LRPAP1: variants seen among roughly 807,000 people sequenced by gnomAD.
LRPAP1 encodes the protein LDL receptor related protein associated protein 1, also known as alpha-2-macroglobulin receptor-associated protein.
Under a neutral mutation model 39.9 loss-of-function variants are expected in LRPAP1, and 41 were observed. That is an observed-to-expected ratio of 1.03 (90% confidence interval 0.80 to 1.33). The LOEUF (loss-of-function observed/expected upper bound fraction) is 1.33. Ranked by LOEUF, LRPAP1 falls within the 40% of genes most tolerant of loss-of-function variation. The probability of loss-of-function intolerance (pLI) is 0.00; values close to 1 mark genes in which losing one functional copy is unlikely to be tolerated. For missense variants in LRPAP1, 565 were observed against 482.3 expected (o/e 1.17, Z -1.61); for synonymous variants, 263 against 212.7 (o/e 1.24, Z -2.06).
chr4:3,532,307 A>T lies in LRPAP1; in HGVS notation c.106T>A (p.Ser36Thr). 6.3e-7 allele frequency: 1 copy of T among 1,577,536 alleles called. No individual in the cohort carries two copies. Among genetic ancestry groups the T allele is most frequent in the Non-Finnish European group, 8.6e-7 (1 of 1,161,214 alleles). The change falls in exon 1 of 8, where the codon TCG becomes ACG. Residue 36 changes from serine to threonine, a missense_variant. Physicochemically the swap from Ser to Thr is moderately conservative, Grantham distance 58. Transcript: ENST00000650182. ...WPAASHGGKYSREKNQPKPSP... is the reference protein window; with the variant it reads ...WPAASHGGKYTREKNQPKPSP... ...GGCTTGGGCTGGTTCTTCTCCCGCG[A>T]GTACTTGCCGCCGTGGCTCGCAGCG...
At chr4:3,518,312 T>C (rs1729791054) in intron 4 of LRPAP1, 120 bp from the exon 5 acceptor site, 4 of 1,123,322 alleles carry the variant, frequency 3.6e-6, no homozygotes, top group Non-Finnish European at 3.7e-6. Flanking sequence ...GGGCTGAAAA[T>C]GTCCCCCTTC....
intron 6 of LRPAP1, chr4:3,515,806 C>T (rs958661059): frequency 1.4e-5 from 6 of 429,906 alleles, no homozygotes; most frequent in Non-Finnish European, 2.6e-5. Flanking sequence ...GTCCCCTCCC[C>T]CCAGGCTGTG....
At chr4:3,520,343 A>T in intron 2 of LRPAP1, 150 bp from the exon 3 acceptor site, 1 of 746,764 alleles carries the variant, frequency 1.3e-6, no homozygotes, top group Non-Finnish European at 2.2e-6. Context: ...ACCACTGGAG[A>T]TCTGGGGAGA....
Position 3,511,108 on chromosome 4 carries a change from C to T in LRPAP1, c.*1866G>A, listed in dbSNP as rs1687420156. ...ATTAAAAATACCGAGCACCAAGTCTCAGCAATCCACTAGTGTTCTCCTTCC... is the reference window on the plus strand; with the variant it reads ...ATTAAAAATACCGAGCACCAAGTCTTAGCAATCCACTAGTGTTCTCCTTCC... On this transcript the variant is annotated 3_prime_UTR_variant, in exon 8 of 8. Transcript: ENST00000650182. The T allele has an allele frequency of 6.6e-6, 1 of 152,262 alleles. No individual in the cohort carries two copies. The highest frequency in any genetic ancestry group is 6.5e-5 in the Admixed American group (1 of 15,288). The allele number at this position is 152,262 out of a possible 1,614,324, so 9.4% of individuals were successfully genotyped here. A position where few individuals can be genotyped will look rare whatever the true frequency, so the allele number is the denominator to read the frequency against.
At chr4:3,520,244 C>A in intron 2 of LRPAP1, 51 bp from the exon 3 acceptor site, 1 of 1,587,020 alleles carries the variant, frequency 6.3e-7, no homozygotes, top group South Asian at 1.1e-5. Flanking sequence ...GAAAAACAGT[C>A]AAAAGCCAAC....
chr4:3,529,524 G>A (rs905320180), intron 1 of LRPAP1, among the ~76,000 whole-genome samples: 2 of 152,110 alleles, frequency 1.3e-5, no homozygotes, highest in Admixed American at 6.5e-5. Context: ...CTCAGAAGTC[G>A]TCTGTGAGCA....
In LRPAP1 at chr4:3,520,158, CCTT is replaced by C. The variant is rs1560257099; in HGVS notation, c.382_384del (p.Lys128del). ...GAGTTGCTGGTCACCTGCCGAGCGT[CCTT>C]CTTTCCGTCCAGACCATACTTGGCC... On this transcript the variant is annotated inframe_deletion, in exon 3 of 8. Coordinates refer to ENST00000650182, the MANE Select transcript of LRPAP1 (RefSeq NM_002337.4). 1 of 1,614,200 alleles carries C rather than the reference CCTT, an allele frequency of 6.2e-7. No individual in the cohort carries two copies. Among genetic ancestry groups the C allele is most frequent in the East Asian group, 2.2e-5 (1 of 44,888 alleles).
At chr4:3,518,351 C>G (rs1399292068) in intron 4 of LRPAP1, among the ~76,000 whole-genome samples, 159 bp from the exon 5 acceptor site, 1 of 149,792 alleles carries the variant, frequency 6.7e-6, no homozygotes, top group African/African-American at 2.5e-5. Flanking sequence ...CAGAAACGAC[C>G]GTTGGCACAG....
At position 3,511,458 on chromosome 4, in the gene LRPAP1, G is replaced by C. The variant is rs1729509038; in HGVS notation, c.*1516C>G. On this transcript the variant is annotated 3_prime_UTR_variant, in exon 8 of 8. Coordinates refer to ENST00000650182, the MANE Select transcript of LRPAP1 (RefSeq NM_002337.4). ...ACACTGAGTACCTTAAGGCTCTCAG[G>C]ATAATGGGAAAAAAAAGAACCAGAA... 1 of 151,970 alleles carries C rather than the reference G, an allele frequency of 6.6e-6. No homozygotes were observed. Among genetic ancestry groups the C allele is most frequent in the African/African-American group, 2.4e-5 (1 of 41,330 alleles). The allele number at this position is 151,970 out of a possible 1,614,324, so 9.4% of individuals were successfully genotyped here.
At chr4:3,513,861 A>G (rs893412243) in intron 7 of LRPAP1, among the ~76,000 whole-genome samples, 4 of 152,196 alleles carry the variant, frequency 2.6e-5, no homozygotes, top group Admixed American at 2.0e-4. Flanking sequence ...CCCTCTCCAC[A>G]TAGAAGCCCG....
intron 2 of LRPAP1, among the ~76,000 whole-genome samples, chr4:3,520,781 C>G (rs1170146183): frequency 6.6e-6 from 1 of 152,246 alleles, no homozygotes; most frequent in African/African-American, 2.4e-5. Flanking sequence ...CTGGTAGCAG[C>G]CAGGAGGAAT....
In LRPAP1 at chr4:3,532,321, TGGCTCGCAG is replaced by T. The variant is rs751647491; in HGVS notation, c.83_91del (p.Ala28_His31delinsAsp). 6.3e-7 allele frequency: 1 copy of T among 1,584,084 alleles called. No individual in the cohort carries two copies. On this transcript the variant is annotated inframe_deletion, in exon 1 of 8. Transcript: ENST00000650182. ...CTTCTCCCGCGAGTACTTGCCGCCG[TGGCTCGCAG>T]CGGGCCAGGGCCCGAGGAAGAGCAG...
At position 3,507,582 on chromosome 4, in the gene LRPAP1, G is replaced by A. The variant is rs1482242919; in HGVS notation, c.*5392C>T. On this transcript the variant is annotated 3_prime_UTR_variant, in exon 8 of 8. Coordinates refer to ENST00000650182, the MANE Select transcript of LRPAP1 (RefSeq NM_002337.4). ...GTGCTTAAGAATGTTTTCTCTAATG[G>A]GCATAAGTAGACCAAGTTTTTAACT... 2 of 151,960 alleles carry A rather than the reference G, an allele frequency of 1.3e-5. No homozygotes were observed. Among genetic ancestry groups the A allele is most frequent in the Non-Finnish European group, 2.9e-5 (2 of 68,020 alleles). The allele number at this position is 151,960 out of a possible 1,614,324, so 9.4% of individuals were successfully genotyped here.
chr4:3,523,991 G>A (rs1730002203), intron 2 of LRPAP1, among the ~76,000 whole-genome samples: 1 of 152,154 alleles, frequency 6.6e-6, no homozygotes, highest in South Asian at 2.1e-4. Context: ...ATTGGGGAAG[G>A]GGTGCCTGGG....
rs1729811146 is a variant in LRPAP1, at chr4:3,518,775, G to C, written c.592+96C>G. On this transcript the variant is annotated intron_variant, in intron 4 of 7. Coordinates refer to ENST00000650182, the MANE Select transcript of LRPAP1 (RefSeq NM_002337.4). ...CTGCTGTGTTCCTGAGGGGAGCTGA[G>C]GCTGCCCACTGAGCACAACGAGCCT... 11 of 822,780 alleles carry C rather than the reference G, an allele frequency of 1.3e-5. No homozygotes were observed. In the South Asian group the frequency reaches 1.8e-4, roughly 13 times the overall value. The allele number at this position is 822,780 out of a possible 1,614,324, so 51.0% of individuals were successfully genotyped here.
rs377320052 is a variant in LRPAP1, at chr4:3,510,960, G to C, written c.*2014C>G. ...CCCATGGAACTAACACTCGGTATCT[G>C]GGTTTTTTGTGTAACTGCCTCCCCT... On this transcript the variant is annotated 3_prime_UTR_variant, in exon 8 of 8. Coordinates refer to ENST00000650182, the MANE Select transcript of LRPAP1 (RefSeq NM_002337.4). 5 of 152,262 alleles carry C rather than the reference G, an allele frequency of 3.3e-5. No homozygotes were observed. The highest frequency in any genetic ancestry group is 1.2e-4 in the African/African-American group (5 of 41,442). The allele number at this position is 152,262 out of a possible 1,614,324, so 9.4% of individuals were successfully genotyped here. A position where few individuals can be genotyped will look rare whatever the true frequency, so the allele number is the denominator to read the frequency against.
At chr4:3,516,251 G>T in intron 5 of LRPAP1, 53 bp from the exon 6 acceptor site, 3 of 1,430,324 alleles carry the variant, frequency 2.1e-6, no homozygotes, top group Non-Finnish European at 9.6e-7. Flanking sequence ...GCACACCACA[G>T]CCAGCCCCGC....
Position 3,512,955 on chromosome 4 carries a change from G to T in LRPAP1, c.*19C>A. 1 of 1,604,912 alleles carries T rather than the reference G, an allele frequency of 6.2e-7. No individual in the cohort carries two copies. Among genetic ancestry groups the T allele is most frequent in the Non-Finnish European group, 8.5e-7 (1 of 1,176,268 alleles). On this transcript the variant is annotated 3_prime_UTR_variant, in exon 8 of 8. Coordinates refer to ENST00000650182, the MANE Select transcript of LRPAP1 (RefSeq NM_002337.4). ...TTCACGCTGGCCTCTTCCCTGCCGG[G>T]CTGGGCTCCCCAATGCCTTCAGAGT...
intron 3 of LRPAP1, among the ~76,000 whole-genome samples, chr4:3,519,442 CCT>C (rs1729841045): frequency 6.6e-6 from 1 of 152,358 alleles, no homozygotes; most frequent in African/African-American, 2.4e-5. Flanking sequence ...GCCCTCTCTC[CCT>C]CTCTGCCCCC....
Sources: gnomAD v4.1 joint callset for allele counts (sites outside exome capture counted in the v4.1 genomes callset) on GRCh38, gnomAD v4.1.1 for gene constraint, MANE v1.5 for transcripts, NCBI Gene and HGNC (gene_info 2026-07-23, HGNC 2026-07-21) for gene names.